The following TENM4 variants were observed in gnomAD, a reference collection of about 807,000 sequenced individuals.
TENM4 encodes teneurin-4.
TENM4 carries 82 observed loss-of-function variants against 243.3 expected under a neutral mutation model. The ratio of observed to expected loss-of-function variants is 0.34; its 90% CI spans 0.28 to 0.40. The LOEUF is 0.40. Among genes scored for constraint, TENM4 ranks in the 10% least tolerant of loss-of-function variants. The probability of loss-of-function intolerance (pLI) is 1.00; values close to 1 mark genes in which losing one functional copy is unlikely to be tolerated. For missense variants in TENM4, 3,138 were observed against 3,673.3 expected (o/e 0.85, Z 3.77); for synonymous variants, 1,412 against 1,456.3 (o/e 0.97, Z 0.69).
intron 14 of TENM4, 116 bp downstream of exon 14, chr11:78,812,006 G>C (rs1439721788): frequency 7.6e-7 from 1 of 1,310,022 alleles, no homozygotes; most frequent in African/African-American, 1.5e-5. Context: ...GGCTTGGGGA[G>C]GTGGGGTCAC....
At chr11:78,765,526 G>T (rs1462384203) in intron 18 of TENM4, among the ~76,000 whole-genome samples, 1 of 152,074 alleles carries the variant, frequency 6.6e-6, no homozygotes, top group Admixed American at 6.5e-5. Context: ...TTTTTCATGG[G>T]AACAAGAGCA....
chr11:79,217,854 C>G (rs1019661321), intron 2 of TENM4, among the ~76,000 whole-genome samples: 2 of 152,048 alleles, frequency 1.3e-5, no homozygotes, highest in East Asian at 3.9e-4. Flanking sequence ...TCCTGAGTAG[C>G]TGGGATTACA....
chr11:78,908,396 A>G (rs756146860), intron 6 of TENM4, among the ~76,000 whole-genome samples: 2 of 152,262 alleles, frequency 1.3e-5, no homozygotes, highest in African/African-American at 4.8e-5. Flanking sequence ...GAAAAATGGT[A>G]ACTATTAATT....
intron 3 of TENM4, among the ~76,000 whole-genome samples, chr11:79,192,091 T>TCG (rs1555025069): frequency 7.7e-5 from 8 of 103,506 alleles, no homozygotes; most frequent in African/African-American, 2.4e-4. Flanking sequence ...GGGAGGGAGG[T>TCG]GGGGGGGGGT....
intron 3 of TENM4, among the ~76,000 whole-genome samples, chr11:79,192,093 G>T (rs1251888214): frequency 1.4e-5 from 2 of 138,988 alleles, no homozygotes; most frequent in African/African-American, 5.2e-5. Context: ...GAGGGAGGTG[G>T]GGGGGGGTCA....
chr11:79,138,895 T>A, intron 4 of TENM4, among the ~76,000 whole-genome samples: 1 of 109,334 alleles, frequency 9.1e-6, no homozygotes, highest in South Asian at 2.6e-4. Context: ...ATAAAATATA[T>A]ATTATATTTC....
At chr11:79,270,218 G>C (rs992282678) in intron 2 of TENM4, among the ~76,000 whole-genome samples, 2 of 152,182 alleles carry the variant, frequency 1.3e-5, no homozygotes, top group Admixed American at 6.5e-5. Flanking sequence ...TGTGGAGCCA[G>C]TTTGGGTTGT....
chr11:79,040,253 A>G (rs927696259), intron 6 of TENM4, among the ~76,000 whole-genome samples: 2 of 152,250 alleles, frequency 1.3e-5, no homozygotes, highest in Admixed American at 6.5e-5. Flanking sequence ...GACCTAAAAG[A>G]GTTGTGTGCA....
rs549403808 is a variant in TENM4, at chr11:79,400,620, C to T, written c.-321+39889G>A. The stretch of plus-strand genomic sequence containing the variant: ...CAAATTCCAGTTTCCCCATCTAATG[C>T]ATCTTTAAGCCTCAGTTTCCTTGCT... On this transcript the variant is annotated intron_variant, in intron 1 of 33. Transcript: ENST00000278550. Among the ~76,000 whole-genome samples, 5 of 152,330 alleles carry T rather than the reference C, an allele frequency of 3.3e-5. No individual in the cohort carries two copies. The East Asian group carries it at 9.6e-4, about 29-fold the overall frequency.
chr11:79,060,154 G>T (rs1200647818), intron 6 of TENM4, among the ~76,000 whole-genome samples: 1 of 152,080 alleles, frequency 6.6e-6, no homozygotes, highest in Non-Finnish European at 1.5e-5. Flanking sequence ...AACATCTATT[G>T]CATGCCGACT....
intron 6 of TENM4, among the ~76,000 whole-genome samples, chr11:79,028,932 G>A (rs922155795): frequency 6.6e-6 from 1 of 152,106 alleles, no homozygotes; most frequent in Non-Finnish European, 1.5e-5. Flanking sequence ...CACACTAAGT[G>A]GTATGTGTAC....
At chr11:78,731,489 C>T (rs567890638) in intron 21 of TENM4, among the ~76,000 whole-genome samples, 5 of 152,318 alleles carry the variant, frequency 3.3e-5, no homozygotes, top group South Asian at 2.1e-4. Flanking sequence ...GCTCCACCAG[C>T]GCCCGCAATC....
At chr11:78,660,613 C>A (rs1455729879) in intron 33 of TENM4, among the ~76,000 whole-genome samples, 1 of 152,186 alleles carries the variant, frequency 6.6e-6, no homozygotes, top group South Asian at 2.1e-4. Flanking sequence ...AGCCATCTGG[C>A]AACCTGCTTT....
intron 1 of TENM4, among the ~76,000 whole-genome samples, chr11:79,377,290 T>C (rs2135518830): frequency 6.6e-6 from 1 of 152,328 alleles, no homozygotes; most frequent in African/African-American, 2.4e-5. Context: ...ATTTCTATTG[T>C]TCTACATCAC....
At chr11:79,260,628 G>A (rs1435048923) in intron 2 of TENM4, among the ~76,000 whole-genome samples, 3 of 152,066 alleles carry the variant, frequency 2.0e-5, no homozygotes, top group South Asian at 4.2e-4. Flanking sequence ...CCCAGTATGC[G>A]GTAGAGGGAC....
chr11:79,288,312 C>G (rs115261858), intron 2 of TENM4, among the ~76,000 whole-genome samples: 2,434 of 152,334 alleles, frequency 0.016, 43 homozygotes, highest in African/African-American at 0.022. Context: ...GTAAATGAAA[C>G]AGTAAGCTAG....
At chr11:79,058,717 T>C (rs553387440) in intron 6 of TENM4, among the ~76,000 whole-genome samples, 1 of 152,290 alleles carries the variant, frequency 6.6e-6, no homozygotes, top group African/African-American at 2.4e-5. Context: ...GGTGGGCTTG[T>C]TGTCTCCAAG....
chr11:79,004,071 C>T (rs1858409324), intron 6 of TENM4, among the ~76,000 whole-genome samples: 1 of 151,600 alleles, frequency 6.6e-6, no homozygotes, highest in African/African-American at 2.4e-5. Flanking sequence ...GTAAAGGGTT[C>T]AATCCAACAA....
intron 27 of TENM4, among the ~76,000 whole-genome samples, chr11:78,705,001 C>G (rs1438176721): frequency 6.6e-6 from 1 of 152,236 alleles, no homozygotes; most frequent in Admixed American, 6.5e-5. Flanking sequence ...AGCCTGCAAA[C>G]TCGCCAGGGC....
Sources: gnomAD v4.1 joint callset for allele counts (sites outside exome capture counted in the v4.1 genomes callset) on GRCh38, gnomAD v4.1.1 for gene constraint, MANE v1.5 for transcripts, NCBI Gene and HGNC (gene_info 2026-07-23, HGNC 2026-07-21) for gene names.